Variants in TSHZ3 observed in about 807,000 individuals in gnomAD.
TSHZ3 encodes the protein teashirt zinc finger homeobox 3.
A neutral mutation model predicts 64.5 loss-of-function variants in TSHZ3; 10 were observed. That is an observed-to-expected ratio of 0.16 (90% CI 0.10 to 0.26). The LOEUF (loss-of-function observed/expected upper bound fraction) is 0.26. TSHZ3 is among the 10% of genes least tolerant of loss of function. The pLI is 1.00. For missense variants in TSHZ3, 1,242 were observed against 1,421.7 expected, an observed-to-expected ratio of 0.87 and a Z score of 2.03; for synonymous variants, 608 against 593.1, an observed-to-expected ratio of 1.03 and a Z score of -0.36.
intron 1 of TSHZ3, among the ~76,000 whole-genome samples, chr19:31,344,610 C>G (rs4805681): frequency 6.6e-6 from 1 of 151,978 alleles, no homozygotes; most frequent in Non-Finnish European, 1.5e-5. Flanking sequence ...GCCTGCCTGC[C>G]GCAGCCCTGG....
At chr19:31,167,884 C>T (rs372430587) in intron 5 of TSHZ3, 2 of 152,230 alleles carry the variant, frequency 1.3e-5, no homozygotes, top group East Asian at 1.9e-4. Context: ...TTAGAACACG[C>T]AGAGGCGTTT....
intron 1 of TSHZ3, among the ~76,000 whole-genome samples, chr19:31,294,108 G>A (rs907586456): frequency 6.6e-6 from 1 of 152,192 alleles, no homozygotes; most frequent in African/African-American, 2.4e-5. Context: ...TTGGAGAGAA[G>A]ATGTTCCCAG....
chr19:31,177,435 C>G (rs1003195968), intron 5 of TSHZ3, among the ~76,000 whole-genome samples: 20 of 152,220 alleles, frequency 1.3e-4, no homozygotes, highest in South Asian at 4.1e-4. Flanking sequence ...CCTTCCCAGC[C>G]TCGGGGCTGC....
Position 31,278,749 on chromosome 19 carries a change from G to C in TSHZ3, c.1044C>G (p.Thr348=). Residue 348 remains threonine, a synonymous_variant, in exon 2 of 2, where the codon ACC becomes ACG. Transcript: ENST00000240587. The surrounding 1 kb of genome is among the most constrained non-coding windows in gnomAD (Gnocchi z 4.7). ...TGGAGTTCTTCTGAAGTGCATCGTTGGTGTCTGAGATGGTGGCTTTGGGGG... is the reference window on the plus strand; with the variant it reads ...TGGAGTTCTTCTGAAGTGCATCGTTCGTGTCTGAGATGGTGGCTTTGGGGG... ...GGTPKATISD[T]NDALQKNSNP... 6.2e-7 allele frequency: 1 copy of C among 1,614,182 alleles called. No individual in the cohort carries two copies. The highest frequency in any genetic ancestry group is 8.5e-7 in the Non-Finnish European group (1 of 1,180,044).
intron 1 of TSHZ3, among the ~76,000 whole-genome samples, chr19:31,251,311 G>C (rs144301152): frequency 1.1e-3 from 162 of 152,258 alleles, no homozygotes; most frequent in African/African-American, 3.5e-3. Flanking sequence ...CCCTTAGGAA[G>C]TCCATTTCAC....
intron 1 of TSHZ3, among the ~76,000 whole-genome samples, chr19:31,290,699 C>G (rs911152766): frequency 6.6e-6 from 1 of 152,076 alleles, no homozygotes; most frequent in South Asian, 2.1e-4. Flanking sequence ...CCAGGGAGAC[C>G]AGGGGCCTTC....
Position 31,277,564 on chromosome 19 carries a change from G to C in TSHZ3, c.2229C>G (p.Ala743=). Residue 743 remains alanine (A), a synonymous_variant, in exon 2 of 2, where the codon GCC becomes GCG. Transcript: ENST00000240587. The surrounding 1 kb of genome is among the most constrained non-coding windows in gnomAD (Gnocchi z 4.5). ...TGAAAAGCATGCTCATGGGGTCCAG[G>C]GCAGGCAGGGAGGGCTTGGCGGCCT... ...LGKAAKPSLP[A]LDPMSMLFKM... is the part of the protein sequence containing the mutation. 1 of 1,600,504 alleles carries C rather than the reference G, an allele frequency of 6.2e-7. No individual in the cohort carries two copies. Among genetic ancestry groups the C allele is most frequent in the Non-Finnish European group, 8.5e-7 (1 of 1,172,656 alleles).
At chr19:31,308,836 G>A (rs928376655) in intron 1 of TSHZ3, 12 of 394,768 alleles carry the variant, frequency 3.0e-5, no homozygotes, top group African/African-American at 2.5e-4. Context: ...CATTTGAAAT[G>A]AGAGAAAATG....
chr19:31,247,855 A>AGTGT (rs34849874), intron 1 of TSHZ3, among the ~76,000 whole-genome samples: 5 of 150,486 alleles, frequency 3.3e-5, no homozygotes, highest in African/African-American at 7.4e-5. Flanking sequence ...ACACAATTAC[A>AGTGT]GTGTGTGTGT....
intron 4 of TSHZ3, among the ~76,000 whole-genome samples, chr19:31,207,923 C>T (rs530490053): frequency 1.3e-5 from 2 of 152,268 alleles, no homozygotes; most frequent in Admixed American, 6.5e-5. Context: ...TATCTTGATG[C>T]CAAGCCATGG....
downstream of TSHZ3, among the ~76,000 whole-genome samples, chr19:31,269,963 G>A (rs555346176): frequency 6.6e-6 from 1 of 152,240 alleles, no homozygotes; most frequent in South Asian, 2.1e-4. Flanking sequence ...CAAGTCATTG[G>A]GTGCAAAGAA....
At chr19:31,223,047 A>G (rs1463488097) in intron 4 of TSHZ3, among the ~76,000 whole-genome samples, 5 of 152,168 alleles carry the variant, frequency 3.3e-5, no homozygotes, top group African/African-American at 1.2e-4. Flanking sequence ...GGAGGTTGGC[A>G]GCTAGGATTT....
At chr19:31,189,874 T>A (rs1006996087) in intron 5 of TSHZ3, among the ~76,000 whole-genome samples, 1 of 152,174 alleles carries the variant, frequency 6.6e-6, no homozygotes, top group Non-Finnish European at 1.5e-5. Context: ...CTCCTTTGTG[T>A]TTGGAAACGT....
chr19:31,187,028 T>C (rs1198295583), intron 5 of TSHZ3, among the ~76,000 whole-genome samples: 5 of 152,142 alleles, frequency 3.3e-5, no homozygotes, highest in South Asian at 4.1e-4. Context: ...TTTATTAACA[T>C]GCAGTAAATT....
chr19:31,224,129 C>T (rs1274985649), intron 4 of TSHZ3, among the ~76,000 whole-genome samples: 2 of 152,174 alleles, frequency 1.3e-5, no homozygotes, highest in East Asian at 3.9e-4. Context: ...GGAGATATAA[C>T]TTTTGCTAGA....
chr19:31,315,138 A>C (rs944314143), intron 1 of TSHZ3, among the ~76,000 whole-genome samples: 3 of 152,242 alleles, frequency 2.0e-5, no homozygotes, highest in African/African-American at 4.8e-5. Flanking sequence ...GCCAGCAGAA[A>C]TGTATGAGCT....
intron 3 of TSHZ3, among the ~76,000 whole-genome samples, chr19:31,238,794 C>T (rs2145182113): frequency 6.6e-6 from 1 of 152,226 alleles, no homozygotes; most frequent in South Asian, 2.1e-4. Context: ...AAATGTGTCT[C>T]CTACAGATAG....
Position 31,276,766 on chromosome 19 carries a change from C to G in TSHZ3, c.3027G>C (p.Leu1009=), listed in dbSNP as rs752534475. The G allele has an allele frequency of 1.2e-6, 2 of 1,613,774 alleles. No homozygotes were observed. The highest frequency in any genetic ancestry group is 1.7e-6 in the Non-Finnish European group (2 of 1,179,730). The part of the protein sequence containing the change: ...LGFRLRDLSK[L]STEQINSQIA... ...TCTGACTGTTAATCTGTTCGGTGGA[C>G]AGTTTGGATAAGTCCCGTAGCCGGA... Residue 1009 remains leucine (L), a synonymous_variant, in exon 2 of 2, where the codon CTG becomes CTC. Coordinates refer to ENST00000240587, the MANE Select transcript of TSHZ3 (RefSeq NM_020856.4).
intron 1 of TSHZ3, among the ~76,000 whole-genome samples, chr19:31,282,748 A>C (rs1046427456): frequency 1.3e-5 from 2 of 152,266 alleles, no homozygotes; most frequent in African/African-American, 2.4e-5. Flanking sequence ...ATATGGAAAG[A>C]AAAGGCCAAC....
Sources: gnomAD v4.1 joint callset for allele counts (sites outside exome capture counted in the v4.1 genomes callset) on GRCh38, gnomAD v4.1.1 for gene constraint, Gnocchi (gnomAD v3.1) non-coding constraint, MANE v1.5 for transcripts, NCBI Gene and HGNC (gene_info 2026-07-23, HGNC 2026-07-21) for gene names.